The following CNOT9 variants were observed in gnomAD, a reference collection of about 807,000 sequenced individuals.
The protein encoded by CNOT9 is CCR4-NOT transcription complex subunit 9, also known as RCD1 required for cell differentiation1 homolog.
A neutral mutation model predicts 37.4 loss-of-function variants in CNOT9; 8 were observed. The ratio of observed to expected loss-of-function variants is 0.21; its 90% CI spans 0.13 to 0.39. The LOEUF (loss-of-function observed/expected upper bound fraction) is 0.39, where lower values mean the gene tolerates loss of function less well. CNOT9 is among the 10% of genes least tolerant of loss of function. The pLI is 1.00. For missense variants in CNOT9, 154 were observed against 365.3 expected, an observed-to-expected ratio of 0.42 and a Z score of 4.71; for synonymous variants, 120 against 137.6, an observed-to-expected ratio of 0.87 and a Z score of 0.90.
chr2:218,577,559 C>T (rs984303186), intron 1 of CNOT9, among the ~76,000 whole-genome samples: 3 of 152,150 alleles, frequency 2.0e-5, no homozygotes, highest in African/African-American at 4.8e-5. Context: ...AACCCGTGTA[C>T]GCACCAGGCA....
Position 218,594,238 on chromosome 2 carries a change from G to T in CNOT9, c.862G>T (p.Val288Phe), listed in dbSNP as rs761992464. The T allele has an allele frequency of 6.2e-7, 1 of 1,613,998 alleles. No individual in the cohort carries two copies. Among genetic ancestry groups the T allele is most frequent in the Non-Finnish European group, 8.5e-7 (1 of 1,179,936 alleles). ...GGTGAAGAACCTGCAAGAGGGCCAG[G>T]TCACCGATCCCCGGGGTATCCCCCT... Reference protein sequence around the residue: ...QLVKNLQEGQVTDPRGIPLPP... With the variant: ...QLVKNLQEGQFTDPRGIPLPP... Residue 288 changes from valine to phenylalanine, a missense_variant, in exon 8 of 8, where the codon GTC becomes TTC. This residue lies in a region of CNOT9 where 117 missense variants were observed against 325.4 expected (regional missense o/e 0.36). Coordinates refer to ENST00000273064, the MANE Select transcript of CNOT9 (RefSeq NM_005444.3).
chr2:218,594,449 C>A lies in CNOT9; in HGVS notation c.*173C>A. ...GAGGTGTATGGGCTGCCATCTCAGG[C>A]TGTCTTGAGGACCTGGGCTCCCTCT... On this transcript the variant is annotated 3_prime_UTR_variant, in exon 8 of 8. Coordinates refer to ENST00000273064, the MANE Select transcript of CNOT9 (RefSeq NM_005444.3). 1.4e-6 allele frequency: 1 copy of A among 720,046 alleles called. No individual in the cohort carries two copies. Among genetic ancestry groups the A allele is most frequent in the Non-Finnish European group, 2.2e-6 (1 of 451,158 alleles). 44.6% of individuals were successfully genotyped at this position (720,046 alleles called of 1,614,324 possible). A position where few individuals can be genotyped will look rare whatever the true frequency, so the allele number is the denominator to read the frequency against.
intron 4 of CNOT9, among the ~76,000 whole-genome samples, chr2:218,585,267 A>G (rs1215966604): frequency 6.6e-6 from 1 of 152,168 alleles, no homozygotes; most frequent in African/African-American, 2.4e-5. Flanking sequence ...TGCTTCGTAT[A>G]TCTGAAATGC....
chr2:218,593,529 T>G, intron 7 of CNOT9: 5 of 1,493,390 alleles, frequency 3.3e-6, no homozygotes, highest in Non-Finnish European at 4.5e-6. Flanking sequence ...CTTTTTTAGG[T>G]TTTCAGATTT....
chr2:218,584,502 T>A (rs571602187), intron 3 of CNOT9, 110 bp from the exon 4 acceptor site: 8 of 801,046 alleles, frequency 1.0e-5, no homozygotes, highest in South Asian at 8.6e-5. Context: ...TAAGGATTCC[T>A]TGCTCTGACA....
intron 1 of CNOT9, among the ~76,000 whole-genome samples, chr2:218,578,499 A>G (rs955682153): frequency 6.6e-6 from 1 of 152,224 alleles, no homozygotes; most frequent in African/African-American, 2.4e-5. Flanking sequence ...TCAAGCTAAG[A>G]TCTTTTGGGA....
intron 1 of CNOT9, among the ~76,000 whole-genome samples, chr2:218,570,140 G>C (rs534098594): frequency 2.8e-4 from 42 of 152,274 alleles, no homozygotes; most frequent in African/African-American, 9.1e-4. Flanking sequence ...TTGAAGGGAA[G>C]GTGACCACTG....
At position 218,583,093 on chromosome 2, in the gene CNOT9, G is replaced by A. The variant is rs770945282; in HGVS notation, c.320+7G>A. The A allele has an allele frequency of 1.3e-6, 2 of 1,580,858 alleles. No individual in the cohort carries two copies. The highest frequency in any genetic ancestry group is 1.7e-5 in the Admixed American group (1 of 59,718). ...CATCACATCCAGAAACCAGGTAAAT[G>A]CTTTGGGTGAGTCACTTGGGGGAGA... On this transcript the variant is annotated splice_region_variant and intron_variant, in intron 3 of 7. Transcript: ENST00000273064.
chr2:218,568,927 G>A lies in CNOT9; in HGVS notation c.-28G>A. On this transcript the variant is annotated 5_prime_UTR_variant, in exon 1 of 8. It adds an upstream start codon to the 5' untranslated region. Transcript: ENST00000273064. ...GGACGCGGGTCGGACGCGTCCGGCT[G>A]TGGAAGAGAGCGGCGGCCGCTCACA... 1 of 1,607,216 alleles carries A rather than the reference G, an allele frequency of 6.2e-7. No individual in the cohort carries two copies. Among genetic ancestry groups the A allele is most frequent in the Non-Finnish European group, 8.5e-7 (1 of 1,176,734 alleles).
intron 2 of CNOT9, among the ~76,000 whole-genome samples, chr2:218,582,551 G>A (rs1044005590): frequency 1.6e-4 from 25 of 152,274 alleles, no homozygotes; most frequent in African/African-American, 4.3e-4. Flanking sequence ...TTAGCTGGGC[G>A]TGGTGGCAGG....
At chr2:218,586,832 T>A (rs1399165475) in intron 4 of CNOT9, among the ~76,000 whole-genome samples, 1 of 152,094 alleles carries the variant, frequency 6.6e-6, no homozygotes, top group Non-Finnish European at 1.5e-5. Context: ...GACAATAAAT[T>A]TCAGTTGTTT....
rs1694531742 is a variant in CNOT9 at position 218,584,680 on chromosome 2, G to A, written c.389G>A (p.Arg130His). The change falls in exon 4 of 8, where the codon CGT (arginine) becomes CAT (histidine). Residue 130 changes from arginine to histidine, a missense_variant. By Grantham distance (29) the Arg-to-His change is conservative (BLOSUM62 0). Coordinates refer to ENST00000273064, the MANE Select transcript of CNOT9 (RefSeq NM_005444.3). Reference protein sequence around the residue: ...YPFLHTVSKTRPFEYLRLTSL... With the variant: ...YPFLHTVSKTHPFEYLRLTSL... ...TTTTTGCACACTGTCAGCAAAACAC[G>A]TCCCTTTGAGTATCTCCGGCTCACC... 1.2e-6 allele frequency: 2 copies of A among 1,613,814 alleles called. No individual in the cohort carries two copies. The highest frequency in any genetic ancestry group is 1.7e-6 in the Non-Finnish European group (2 of 1,179,756).
At position 218,577,384 on chromosome 2, in the gene CNOT9, G is replaced by A. The variant is rs867551896; in HGVS notation, c.25-3177G>A. Among the ~76,000 whole-genome samples the A allele has an allele frequency of 1.5e-4, 23 of 152,264 alleles. No homozygotes were observed. In the South Asian group the frequency reaches 3.5e-3, roughly 23 times the overall value. On this transcript the variant is annotated intron_variant, in intron 1 of 7. Transcript: ENST00000273064. ...AAACTGCCCTCCTTTTGGCTAGAATGACAGCAGAACCCATAACACCAAGCT... is the reference window on the plus strand; with the variant it reads ...AAACTGCCCTCCTTTTGGCTAGAATAACAGCAGAACCCATAACACCAAGCT...
In CNOT9 at chr2:218,592,979, T is replaced by A. The variant is rs2106100366; in HGVS notation, c.731+272T>A. On this transcript the variant is annotated intron_variant, in intron 7 of 7. Transcript: ENST00000273064. This position sits in a 1 kb window ranked among gnomAD's most constrained non-coding sequence, Gnocchi z 4.1. ...AGGAAACCTTATGATGCATTACTCCTGTTGTTTGAATTTTCTGTTGCTACT... is the reference window on the plus strand; with the variant it reads ...AGGAAACCTTATGATGCATTACTCCAGTTGTTTGAATTTTCTGTTGCTACT... The A allele has an allele frequency of 2.4e-6, 1 of 423,690 alleles. No homozygotes were observed. The highest frequency in any genetic ancestry group is 4.8e-5 in the East Asian group (1 of 20,904). 26.2% of individuals were successfully genotyped at this position (423,690 alleles called of 1,614,324 possible).
intron 4 of CNOT9, among the ~76,000 whole-genome samples, chr2:218,586,756 C>A (rs1186810057): frequency 6.6e-6 from 1 of 152,158 alleles, no homozygotes; most frequent in Non-Finnish European, 1.5e-5. Context: ...TCCCAAAGTG[C>A]TGTGATTACA....
intron 7 of CNOT9, chr2:218,593,414 T>C: frequency 1.7e-6 from 1 of 591,642 alleles, no homozygotes; most frequent in Non-Finnish European, 2.7e-6. Context: ...TTCACTAAAG[T>C]TTAAAAATGT....
chr2:218,576,038 C>T (rs187225598), intron 1 of CNOT9, among the ~76,000 whole-genome samples: 37 of 152,272 alleles, frequency 2.4e-4, no homozygotes, highest in Admixed American at 6.5e-4. Context: ...TAATAACCAC[C>T]ATGTTGTGAT....
intron 7 of CNOT9, chr2:218,593,599 A>T (rs1559252039): frequency 6.8e-7 from 1 of 1,474,138 alleles, no homozygotes; most frequent in Non-Finnish European, 9.0e-7. Flanking sequence ...ATCTGATAAT[A>T]CTGCTACCAT....
At chr2:218,589,904 G>C (rs1429057710) in intron 5 of CNOT9, among the ~76,000 whole-genome samples, 1 of 152,190 alleles carries the variant, frequency 6.6e-6, no homozygotes, top group African/African-American at 2.4e-5. Flanking sequence ...AATTCATACT[G>C]TATGTTGATT....
Sources: gnomAD v4.1 joint callset for allele counts (sites outside exome capture counted in the v4.1 genomes callset) on GRCh38, gnomAD v4.1.1 for gene constraint, gnomAD v4.1.1 regional missense constraint, Gnocchi (gnomAD v3.1) non-coding constraint, MANE v1.5 for transcripts, NCBI Gene and HGNC (gene_info 2026-07-23, HGNC 2026-07-21) for gene names.